RAD54B: variants seen among roughly 807,000 people sequenced by gnomAD.
RAD54B encodes the protein DNA repair and recombination protein RAD54B.
A neutral mutation model predicts 95.8 loss-of-function variants in RAD54B; 78 were observed. That is an observed-to-expected ratio of 0.81 (90% CI 0.68 to 0.98). The LOEUF (loss-of-function observed/expected upper bound fraction) is 0.98. Ranked by LOEUF, RAD54B falls within the 50% of genes least tolerant of loss-of-function variation. The probability of loss-of-function intolerance (pLI) is 0.00; values close to 1 mark genes in which losing one functional copy is unlikely to be tolerated. For missense variants in RAD54B, 957 were observed against 1,056.6 expected (o/e 0.91, Z 1.31); for synonymous variants, 328 against 354.9 (o/e 0.92, Z 0.85).
At chr8:94,442,817 A>G (rs1268880200) in intron 3 of RAD54B, among the ~76,000 whole-genome samples, 1 of 152,192 alleles carries the variant, frequency 6.6e-6, no homozygotes, top group African/African-American at 2.4e-5. Flanking sequence ...CTAGAAAATT[A>G]GTCATGCAAC....
At position 94,377,545 on chromosome 8, in the gene RAD54B, GAAAAAAAAAAAAAAAAA is replaced by G. The variant is rs71273330; in HGVS notation, c.2515+618_2515+634del. 4.4e-3 allele frequency among the ~76,000 whole-genome samples: 307 copies of G among 70,572 alleles called. 7 individuals carry two copies. The highest frequency in any genetic ancestry group is 7.7e-3 in the Admixed American group (51 of 6,638). 46.3% of individuals were successfully genotyped at this position (70,572 alleles called of 152,430 possible). ...AGCAACAGAGCCAGACCCTGTCTTG[GAAAAAAAAAAAAAAAAA>G]AAAAAAAAAAAAAAAAAAACTCTAA... is the stretch of plus-strand genomic sequence containing the variant. On this transcript the variant is annotated intron_variant, in intron 14 of 14. Coordinates refer to ENST00000336148, the MANE Select transcript of RAD54B (RefSeq NM_012415.3).
intron 10 of RAD54B, among the ~76,000 whole-genome samples, chr8:94,389,583 T>C (rs1478185373): frequency 6.6e-6 from 1 of 152,194 alleles, no homozygotes; most frequent in Non-Finnish European, 1.5e-5. Flanking sequence ...ACTTCAATTA[T>C]GAGTTATGAT....
chr8:94,405,163 A>C (rs548209574), intron 5 of RAD54B, among the ~76,000 whole-genome samples: 1 of 152,170 alleles, frequency 6.6e-6, no homozygotes, highest in Non-Finnish European at 1.5e-5. Context: ...TAACAATGTA[A>C]TTCTTCAAAA....
At chr8:94,414,385 G>C (rs1421049719) in intron 3 of RAD54B, among the ~76,000 whole-genome samples, 1 of 152,158 alleles carries the variant, frequency 6.6e-6, no homozygotes, top group Non-Finnish European at 1.5e-5. Context: ...TGGTGAGAGA[G>C]GGCATCCCTG....
intron 8 of RAD54B, among the ~76,000 whole-genome samples, chr8:94,397,705 A>C (rs1200271265): frequency 6.6e-6 from 1 of 152,070 alleles, no homozygotes; most frequent in East Asian, 1.9e-4. Context: ...AGTACTTTTC[A>C]GTATATTTTA....
chr8:94,404,221 C>A lies in RAD54B; in HGVS notation c.800G>T (p.Arg267Leu). 1 of 1,588,864 alleles carries A rather than the reference C, an allele frequency of 6.3e-7. No individual in the cohort carries two copies. The highest frequency in any genetic ancestry group is 1.2e-5 in the South Asian group (1 of 85,466). Residue 267 changes from arginine (R) to leucine (L), a missense_variant, in exon 6 of 15, where the codon CGA becomes CTA. Physicochemically the swap from Arg to Leu is moderately radical, Grantham distance 102. Coordinates refer to ENST00000336148, the MANE Select transcript of RAD54B (RefSeq NM_012415.3). Reference protein sequence around the residue: ...PYTPNSLVMPRPDKNHQWVFN... With the variant: ...PYTPNSLVMPLPDKNHQWVFN... ...TACCCACTGGTGATTCTTATCTGGT[C>A]GTGGCATAACGAGGGAATCTTAAAA...
chr8:94,449,374 G>A (rs909113372), intron 3 of RAD54B, among the ~76,000 whole-genome samples: 1 of 152,078 alleles, frequency 6.6e-6, no homozygotes. Context: ...TTGGGAGGCA[G>A]AGACGGACGG....
At position 94,401,529 on chromosome 8, in the gene RAD54B, A is replaced by ATG. The variant is rs376354254; in HGVS notation, c.945-1068_945-1067dup. The stretch of plus-strand genomic sequence containing the variant: ...GAAATTATGTGTAAATTGAGTGTTT[A>ATG]TGTTATCAGTAAGGCTTCCAGTCAA... On this transcript the variant is annotated intron_variant, in intron 6 of 14. Coordinates refer to ENST00000336148, the MANE Select transcript of RAD54B (RefSeq NM_012415.3). 3.5e-3 allele frequency among the ~76,000 whole-genome samples: 538 copies of ATG among 152,268 alleles called. 2 individuals carry two copies. Among genetic ancestry groups the ATG allele is most frequent in the African/African-American group, 0.012 (502 of 41,570 alleles).
intron 6 of RAD54B, among the ~76,000 whole-genome samples, chr8:94,403,618 A>C (rs190497387): frequency 1.6e-4 from 24 of 152,094 alleles, no homozygotes; most frequent in Non-Finnish European, 3.5e-4. Context: ...TGGAGATTGC[A>C]GTGAGCCAAG....
At chr8:94,407,006 A>G (rs1046165717) in intron 5 of RAD54B, among the ~76,000 whole-genome samples, 2 of 152,186 alleles carry the variant, frequency 1.3e-5, no homozygotes, top group African/African-American at 4.8e-5. Flanking sequence ...TGGACTTTGC[A>G]TGAAATCTTA....
intron 3 of RAD54B, among the ~76,000 whole-genome samples, chr8:94,414,849 G>A (rs1182505017): frequency 1.6e-4 from 24 of 152,054 alleles, no homozygotes; most frequent in Non-Finnish European, 7.3e-5. Flanking sequence ...ACAAACCACT[G>A]CTCAATGAAA....
At chr8:94,473,517 T>C (rs576193978) in intron 1 of RAD54B, among the ~76,000 whole-genome samples, 4 of 152,316 alleles carry the variant, frequency 2.6e-5, no homozygotes, top group South Asian at 2.1e-4. Context: ...AAATGAAATA[T>C]GTAAAGCACT....
chr8:94,461,050 A>G (rs1046283944), intron 2 of RAD54B, among the ~76,000 whole-genome samples: 1 of 151,522 alleles, frequency 6.6e-6, no homozygotes, highest in Non-Finnish European at 1.5e-5. Flanking sequence ...GGACATGAAC[A>G]TGTTTAAAGG....
chr8:94,423,993 G>A (rs910306819), intron 3 of RAD54B, among the ~76,000 whole-genome samples: 5 of 152,140 alleles, frequency 3.3e-5, no homozygotes, highest in African/African-American at 1.2e-4. Context: ...AAAACATCCT[G>A]GAGTAAAATA....
intron 3 of RAD54B, 49 bp from the exon 4 acceptor site, chr8:94,411,364 A>G (rs1463614362): frequency 6.9e-7 from 1 of 1,450,042 alleles, no homozygotes; most frequent in Admixed American, 2.6e-5. Context: ...TTTAATGTCT[A>G]AGTAGTAAGG....
intron 3 of RAD54B, among the ~76,000 whole-genome samples, chr8:94,426,477 G>A (rs1175913691): frequency 6.6e-6 from 1 of 152,002 alleles, no homozygotes; most frequent in Non-Finnish European, 1.5e-5. Flanking sequence ...AAAGATAATG[G>A]ATAAAAAGTG....
At chr8:94,425,142 A>T (rs2130081312) in intron 3 of RAD54B, among the ~76,000 whole-genome samples, 1 of 150,964 alleles carries the variant, frequency 6.6e-6, no homozygotes, top group African/African-American at 2.4e-5. Flanking sequence ...AGTGGGCATT[A>T]TCGTCTTAGT....
At chr8:94,466,489 C>T (rs975323248) in intron 2 of RAD54B, among the ~76,000 whole-genome samples, 1 of 151,834 alleles carries the variant, frequency 6.6e-6, no homozygotes, top group Non-Finnish European at 1.5e-5. Flanking sequence ...CTCACTATAA[C>T]CTCCACCTCC....
chr8:94,393,394 T>C (rs759760797), intron 9 of RAD54B: 1 of 194,108 alleles, frequency 5.2e-6, no homozygotes, highest in Non-Finnish European at 1.0e-5. Context: ...ACTCCAGGAG[T>C]TCAAGGCCAG....
Sources: gnomAD v4.1 joint callset for allele counts (sites outside exome capture counted in the v4.1 genomes callset) on GRCh38, gnomAD v4.1.1 for gene constraint, MANE v1.5 for transcripts, NCBI Gene and HGNC (gene_info 2026-07-23, HGNC 2026-07-21) for gene names.